ATP2B2: variants seen among roughly 807,000 people sequenced by gnomAD.
ATP2B2 encodes the protein ATPase plasma membrane Ca2+ transporting 2.
In ATP2B2, 15 loss-of-function variants were observed where a neutral mutation model predicts 120.0. The observed-to-expected ratio is 0.12, with a 90% CI of 0.08 to 0.19. ATP2B2 has a LOEUF of 0.19. Ranked by LOEUF, ATP2B2 falls within the 10% of genes least tolerant of loss-of-function variation. The pLI is 1.00. For missense variants in ATP2B2, 1,045 were observed against 1,719.8 expected (o/e 0.61, Z 6.94); for synonymous variants, 694 against 700.3 (o/e 0.99, Z 0.14).
At chr3:10,408,887 C>T (rs141012663) in intron 3 of ATP2B2, among the ~76,000 whole-genome samples, 36 of 152,290 alleles carry the variant, frequency 2.4e-4, no homozygotes, top group African/African-American at 8.7e-4. Context: ...TCTGAGGAAA[C>T]GCAGCTGAGG....
chr3:10,587,447 G>T (rs1005622328), intron 2 of ATP2B2, among the ~76,000 whole-genome samples: 7 of 152,068 alleles, frequency 4.6e-5, no homozygotes, highest in Non-Finnish European at 1.0e-4. Context: ...GGAGTGCAGT[G>T]GTTCGATCTT....
chr3:10,681,926 G>A (rs2071393331), intron 1 of ATP2B2, among the ~76,000 whole-genome samples: 1 of 152,218 alleles, frequency 6.6e-6, no homozygotes, highest in African/African-American at 2.4e-5. Flanking sequence ...GCACACAGTA[G>A]ATGCTCAGAA....
chr3:10,578,442 G>T (rs2068305163), intron 2 of ATP2B2, among the ~76,000 whole-genome samples: 1 of 151,328 alleles, frequency 6.6e-6, no homozygotes, highest in Admixed American at 6.6e-5. Flanking sequence ...ACCTACTCGG[G>T]AGGTTGAGGC....
intron 12 of ATP2B2, among the ~76,000 whole-genome samples, chr3:10,371,467 G>A (rs1032499315): frequency 1.3e-5 from 2 of 152,230 alleles, no homozygotes; most frequent in Non-Finnish European, 2.9e-5. Flanking sequence ...GACTTTGAGT[G>A]AAATACACAG....
At chr3:10,437,054 T>C (rs541838776) in intron 2 of ATP2B2, among the ~76,000 whole-genome samples, 104 of 152,344 alleles carry the variant, frequency 6.8e-4, no homozygotes, top group Middle Eastern at 3.4e-3. Flanking sequence ...ACTTAGTTAC[T>C]TTCCTAATGT....
chr3:10,676,524 CCA>C (rs150121114), intron 1 of ATP2B2, among the ~76,000 whole-genome samples: 13 of 148,898 alleles, frequency 8.7e-5, no homozygotes, highest in Non-Finnish European at 1.0e-4. Context: ...AGGGACAGAA[CCA>C]CACACACACA....
intron 2 of ATP2B2, among the ~76,000 whole-genome samples, chr3:10,581,257 A>T (rs6803992): frequency 1.3e-5 from 2 of 152,052 alleles, no homozygotes; most frequent in African/African-American, 4.8e-5. Context: ...CACAAGTGCA[A>T]GAGAAGAGAA....
chr3:10,330,911 T>A (rs1272247478), intron 22 of ATP2B2, among the ~76,000 whole-genome samples: 1 of 152,214 alleles, frequency 6.6e-6, no homozygotes, highest in African/African-American at 2.4e-5. Context: ...GAGAAGAATT[T>A]AACATAAGCT....
In ATP2B2 at chr3:10,342,703, G is replaced by C; in HGVS notation, c.2917+49C>G. ...CTGGGTGAGAGCCATGGTGCACCCA[G>C]AAGGTGATGACCCCGCCTGGGAGAG... is the stretch of plus-strand genomic sequence containing the variant. On this transcript the variant is annotated intron_variant, in intron 19 of 22. Transcript: ENST00000360273. The surrounding 1 kb of genome is among the most constrained non-coding windows in gnomAD (Gnocchi z 4.4). The C allele has an allele frequency of 1.3e-6, 2 of 1,597,628 alleles. No homozygotes were observed. The highest frequency in any genetic ancestry group is 1.7e-6 in the Non-Finnish European group (2 of 1,165,916).
At chr3:10,417,634 C>G (rs887587610) in intron 2 of ATP2B2, among the ~76,000 whole-genome samples, 1 of 152,226 alleles carries the variant, frequency 6.6e-6, no homozygotes. Context: ...TTCATTTACT[C>G]ATTCAATCAA....
intron 1 of ATP2B2, among the ~76,000 whole-genome samples, chr3:10,664,780 C>G (rs2070883560): frequency 6.6e-6 from 1 of 152,190 alleles, no homozygotes; most frequent in South Asian, 2.1e-4. Context: ...TAGAGAAAGC[C>G]ACCTTTGCCT....
intron 13 of ATP2B2, among the ~76,000 whole-genome samples, chr3:10,359,527 C>G (rs1037986051): frequency 6.6e-6 from 1 of 152,100 alleles, no homozygotes; most frequent in Non-Finnish European, 1.5e-5. Flanking sequence ...AAATAGCTAC[C>G]ATCAACCAAC....
chr3:10,490,564 C>T (rs1326803971), intron 1 of ATP2B2, among the ~76,000 whole-genome samples: 4 of 152,068 alleles, frequency 2.6e-5, no homozygotes, highest in Non-Finnish European at 5.9e-5. Context: ...CCATGCCTGG[C>T]TAATTTTTGT....
intron 2 of ATP2B2, among the ~76,000 whole-genome samples, chr3:10,558,092 A>G (rs918856165): frequency 6.6e-6 from 1 of 152,234 alleles, no homozygotes; most frequent in Non-Finnish European, 1.5e-5. Context: ...CTCAGAACTT[A>G]TTCTCCATAT....
At chr3:10,506,209 G>A (rs1459335556), upstream of ATP2B2, among the ~76,000 whole-genome samples, 1 of 152,048 alleles carries the variant, frequency 6.6e-6, no homozygotes, top group Non-Finnish European at 1.5e-5. Context: ...AGCTGAGCCC[G>A]CAGCAGCTCT....
chr3:10,581,683 T>C (rs4684716), intron 2 of ATP2B2, among the ~76,000 whole-genome samples: 95,122 of 152,132 alleles, frequency 0.63, 31,545 homozygotes, highest in East Asian at 0.91. Flanking sequence ...TTTGTAGGGC[T>C]GGTTAGAAAC....
intron 22 of ATP2B2, chr3:10,331,784 C>T (rs533283777): frequency 1.3e-5 from 6 of 447,042 alleles, no homozygotes; most frequent in African/African-American, 7.9e-5. Context: ...ACCTGGTGAG[C>T]GGGGTTTCAG....
At chr3:10,395,832 T>G (rs2124931644) in intron 5 of ATP2B2, among the ~76,000 whole-genome samples, 1 of 152,354 alleles carries the variant, frequency 6.6e-6, no homozygotes, top group East Asian at 1.9e-4. Flanking sequence ...CTGGCGCTTC[T>G]GCAGGCAGCA....
chr3:10,662,284 T>C (rs1199385759), intron 1 of ATP2B2, among the ~76,000 whole-genome samples: 1 of 151,782 alleles, frequency 6.6e-6, no homozygotes, highest in African/African-American at 2.4e-5. Context: ...CAAAAGAAAC[T>C]ACCATCAGAG....
Sources: allele counts gnomAD v4.1 joint callset (sites outside exome capture counted in the v4.1 genomes callset), GRCh38; gene constraint gnomAD v4.1.1; non-coding constraint Gnocchi (gnomAD v3.1); transcripts MANE v1.5; gene names NCBI Gene and HGNC (gene_info 2026-07-23, HGNC 2026-07-21).